The following TBCK variants were observed in gnomAD, a reference collection of about 807,000 sequenced individuals.
TBCK encodes TBC domain-containing protein kinase-like protein.
Under a neutral mutation model 113.4 loss-of-function variants are expected in TBCK, and 99 were observed. That is an observed-to-expected ratio of 0.87 (90% CI 0.74 to 1.03). The LOEUF (loss-of-function observed/expected upper bound fraction) is 1.03, where lower values mean the gene tolerates loss of function less well. Among genes scored for constraint, TBCK ranks in the 50% least tolerant of loss-of-function variants. The pLI is 0.00. For synonymous variants in TBCK, 369 were observed against 370.8 expected (o/e 1.00, Z 0.05); for missense variants, 1,045 against 1,061.3 (o/e 0.98, Z 0.21).
At chr4:106,216,897 A>G (rs373606529) in intron 19 of TBCK, among the ~76,000 whole-genome samples, 3 of 151,876 alleles carry the variant, frequency 2.0e-5, no homozygotes, top group South Asian at 2.1e-4. Context: ...TACCAAAGCC[A>G]GGCAGAGACA....
intron 19 of TBCK, among the ~76,000 whole-genome samples, chr4:106,217,013 T>A: frequency 6.6e-6 from 1 of 152,166 alleles, no homozygotes; most frequent in Non-Finnish European, 1.5e-5. Flanking sequence ...AAAATGCTTA[T>A]CCACCATGAT....
intron 3 of TBCK, among the ~76,000 whole-genome samples, chr4:106,272,979 C>G (rs1186941249): frequency 6.6e-6 from 1 of 152,140 alleles, no homozygotes; most frequent in African/African-American, 2.4e-5. Context: ...TTTCTACCTA[C>G]CTACAGTAAC....
At chr4:106,076,760 C>G (rs1368037547) in intron 25 of TBCK, among the ~76,000 whole-genome samples, 2 of 152,080 alleles carry the variant, frequency 1.3e-5, no homozygotes, top group African/African-American at 4.8e-5. Context: ...TATAGCCCAC[C>G]AACTAAGCTT....
intron 12 of TBCK, among the ~76,000 whole-genome samples, chr4:106,237,282 C>T (rs1759580554): frequency 6.6e-6 from 1 of 152,056 alleles, no homozygotes; most frequent in South Asian, 2.1e-4. Context: ...ATATTTCTCA[C>T]ATCATACTTT....
intron 20 of TBCK, among the ~76,000 whole-genome samples, chr4:106,200,504 C>T (rs570382499): frequency 2.6e-4 from 40 of 152,276 alleles, no homozygotes; most frequent in African/African-American, 9.1e-4. Flanking sequence ...CACACCACTG[C>T]ACTCCAGCCT....
chr4:106,220,758 T>G (rs1302794631), intron 19 of TBCK, among the ~76,000 whole-genome samples: 1 of 152,190 alleles, frequency 6.6e-6, no homozygotes, highest in Non-Finnish European at 1.5e-5. Context: ...GAGTTATAGA[T>G]CAAAGTGAAG....
At chr4:106,259,732 G>A (rs999195323) in intron 5 of TBCK, among the ~76,000 whole-genome samples, 1 of 151,816 alleles carries the variant, frequency 6.6e-6, no homozygotes, top group South Asian at 2.1e-4. Context: ...TACTATTTTT[G>A]TAACTATTTT....
In TBCK at chr4:106,236,498, T is replaced by C. The variant is rs1408385635; in HGVS notation, c.1242A>G (p.Ser414=). ...CTGCAGACAACTCATTATTGCTGTTTGAATGAGGTAAATTAGACTGGCTGT... is the reference window on the plus strand; with the variant it reads ...CTGCAGACAACTCATTATTGCTGTTCGAATGAGGTAAATTAGACTGGCTGT... ...LEDDQSNLPH[S]NSNNELSAAA... The change falls in exon 14 of 26, where the codon TCA becomes TCG. Residue 414 remains serine (S), a synonymous_variant. Coordinates refer to ENST00000394708, the MANE Select transcript of TBCK (RefSeq NM_001163435.3). 1 of 1,564,756 alleles carries C rather than the reference T, an allele frequency of 6.4e-7. No homozygotes were observed. Among genetic ancestry groups the C allele is most frequent in the Non-Finnish European group, 8.7e-7 (1 of 1,155,600 alleles).
At chr4:106,101,761 C>A (rs977921148) in intron 24 of TBCK, among the ~76,000 whole-genome samples, 5 of 152,118 alleles carry the variant, frequency 3.3e-5, no homozygotes, top group African/African-American at 1.2e-4. Flanking sequence ...TAAAGTATTG[C>A]TGTTTACAGA....
chr4:106,283,124 C>T (rs1764782841), intron 3 of TBCK, among the ~76,000 whole-genome samples: 1 of 151,702 alleles, frequency 6.6e-6, no homozygotes, highest in Non-Finnish European at 1.5e-5. Context: ...AAAATTGTAG[C>T]ACATGATTAA....
chr4:106,116,582 G>A (rs1743541067), intron 23 of TBCK, among the ~76,000 whole-genome samples: 1 of 152,082 alleles, frequency 6.6e-6, no homozygotes, highest in African/African-American at 2.4e-5. Flanking sequence ...TTAGGAACTG[G>A]GCCACACAGC....
intron 3 of TBCK, among the ~76,000 whole-genome samples, chr4:106,289,971 T>C (rs558548922): frequency 2.6e-5 from 4 of 152,240 alleles, no homozygotes; most frequent in East Asian, 3.9e-4. Flanking sequence ...ACATATTGCA[T>C]TGTAAATGCA....
Position 106,193,914 on chromosome 4 carries a change from A to C in TBCK, c.1898-144T>G, listed in dbSNP as rs2149814738. On this transcript the variant is annotated intron_variant, in intron 21 of 25. Transcript: ENST00000394708. The stretch of plus-strand genomic sequence containing the variant: ...TAATACTACCAAACTCTTTTTATGA[A>C]ATGTTTATTTGGCTTTGAAAATTTA... 9.0e-6 allele frequency: 5 copies of C among 557,522 alleles called. No homozygotes were observed. The South Asian group carries it at 1.8e-4, about 20-fold the overall frequency. The allele number at this position is 557,522 out of a possible 1,614,324, so 34.5% of individuals were successfully genotyped here. A position where few individuals can be genotyped will look rare whatever the true frequency, so the allele number is the denominator to read the frequency against.
At chr4:106,057,074 G>A (rs1224366654) in intron 25 of TBCK, among the ~76,000 whole-genome samples, 4 of 151,742 alleles carry the variant, frequency 2.6e-5, no homozygotes, top group Admixed American at 2.6e-4. Flanking sequence ...AGTAACAGCA[G>A]GGGATTATTT....
At chr4:106,091,510 ATG>A (rs1740236479) in intron 25 of TBCK, among the ~76,000 whole-genome samples, 2 of 151,846 alleles carry the variant, frequency 1.3e-5, no homozygotes, top group Admixed American at 6.6e-5. Context: ...TGATATTCGG[ATG>A]TGTTTGGAGT....
intron 21 of TBCK, among the ~76,000 whole-genome samples, chr4:106,194,479 G>A (rs1009661336): frequency 4.0e-5 from 6 of 151,852 alleles, no homozygotes; most frequent in Admixed American, 1.3e-4. Flanking sequence ...TCAAAGGGGG[G>A]CAGAGTTTGT....
At chr4:106,188,456 T>A (rs1174653504) in intron 22 of TBCK, among the ~76,000 whole-genome samples, 1 of 152,156 alleles carries the variant, frequency 6.6e-6, no homozygotes, top group South Asian at 2.1e-4. Context: ...ATAAACCTAA[T>A]GCCATCATTG....
At chr4:106,208,366 C>G (rs1342525664) in intron 20 of TBCK, among the ~76,000 whole-genome samples, 2 of 151,694 alleles carry the variant, frequency 1.3e-5, no homozygotes, top group African/African-American at 2.4e-5. Flanking sequence ...CTACCCTTCC[C>G]TAATTAGTTT....
intron 17 of TBCK, 98 bp from the exon 18 acceptor site, chr4:106,231,877 G>A: frequency 9.5e-7 from 1 of 1,050,492 alleles, no homozygotes; most frequent in Non-Finnish European, 1.4e-6. Flanking sequence ...CCTCCAAGTA[G>A]ATTAAACATT....
Sources: gnomAD v4.1 joint callset for allele counts (sites outside exome capture counted in the v4.1 genomes callset) on GRCh38, gnomAD v4.1.1 for gene constraint, MANE v1.5 for transcripts, NCBI Gene and HGNC (gene_info 2026-07-23, HGNC 2026-07-21) for gene names.